Variants in SEMA6D observed in about 807,000 individuals in gnomAD.
SEMA6D encodes semaphorin 6D.
Under a neutral mutation model 106.6 loss-of-function variants are expected in SEMA6D, and 35 were observed. That is an observed-to-expected ratio of 0.33 (90% CI 0.25 to 0.44). The LOEUF (loss-of-function observed/expected upper bound fraction) is 0.44, where lower values mean the gene tolerates loss of function less well. Ranked by LOEUF, SEMA6D falls within the 20% of genes least tolerant of loss-of-function variation. The pLI is 1.00. For missense variants in SEMA6D, 1,185 were observed against 1,345.9 expected, an observed-to-expected ratio of 0.88 and a Z score of 1.87; for synonymous variants, 499 against 487.7, an observed-to-expected ratio of 1.02 and a Z score of -0.31.
At chr15:47,280,233 A>G (rs900633912) in intron 1 of SEMA6D, among the ~76,000 whole-genome samples, 9 of 152,050 alleles carry the variant, frequency 5.9e-5, no homozygotes, top group African/African-American at 1.2e-4. Context: ...CAGAGATTCA[A>G]CTTCTTCCTG....
intron 3 of SEMA6D, among the ~76,000 whole-genome samples, chr15:47,489,861 AG>A (rs930229055): frequency 3.4e-4 from 52 of 152,192 alleles, no homozygotes; most frequent in African/African-American, 1.2e-3. Flanking sequence ...CACGTTGGCC[AG>A]GCTGGTCTCA....
At chr15:47,761,849 C>A in intron 7 of SEMA6D, 98 bp downstream of exon 7, 2 of 1,030,748 alleles carry the variant, frequency 1.9e-6, no homozygotes, top group Non-Finnish European at 2.9e-6. Context: ...TGGATACCCA[C>A]CTTGATCTAA....
At chr15:47,739,467 A>G (rs1466283866) in intron 1 of SEMA6D, among the ~76,000 whole-genome samples, 1 of 152,202 alleles carries the variant, frequency 6.6e-6, no homozygotes, top group African/African-American at 2.4e-5. Context: ...GTCAGGTCTC[A>G]GGGCTTTTAA....
chr15:47,319,961 C>T (rs2036859759), intron 1 of SEMA6D, among the ~76,000 whole-genome samples: 1 of 152,078 alleles, frequency 6.6e-6, no homozygotes, highest in Admixed American at 6.5e-5. Context: ...GCACTTTCCA[C>T]CTGTGAGTCT....
intron 4 of SEMA6D, among the ~76,000 whole-genome samples, chr15:47,625,445 T>G (rs1434194152): frequency 1.3e-5 from 2 of 152,186 alleles, no homozygotes; most frequent in Non-Finnish European, 2.9e-5. Flanking sequence ...ATTGAAAATA[T>G]GCACAACAGG....
intron 1 of SEMA6D, among the ~76,000 whole-genome samples, chr15:47,214,446 G>A (rs2030364877): frequency 1.3e-5 from 2 of 152,274 alleles, no homozygotes; most frequent in African/African-American, 4.8e-5. Flanking sequence ...TGAAGGTCAG[G>A]AAGTAATATA....
intron 1 of SEMA6D, among the ~76,000 whole-genome samples, chr15:47,310,905 G>C (rs1394462413): frequency 6.6e-6 from 1 of 152,180 alleles, no homozygotes; most frequent in African/African-American, 2.4e-5. Context: ...TATGGTCATA[G>C]CTTAACACAG....
chr15:47,659,109 C>G (rs1178439333), intron 4 of SEMA6D, among the ~76,000 whole-genome samples: 1 of 151,830 alleles, frequency 6.6e-6, no homozygotes, highest in Admixed American at 6.6e-5. Flanking sequence ...ATTAGAGAAA[C>G]AAAATCTAAA....
chr15:47,377,778 T>C (rs1239213735), intron 1 of SEMA6D, among the ~76,000 whole-genome samples: 1 of 152,134 alleles, frequency 6.6e-6, no homozygotes, highest in Admixed American at 6.5e-5. Context: ...CCTAAGAATC[T>C]AAGAGGAATA....
chr15:47,212,274 C>T (rs919361103), intron 1 of SEMA6D, among the ~76,000 whole-genome samples: 10 of 152,210 alleles, frequency 6.6e-5, no homozygotes, highest in African/African-American at 2.4e-4. Context: ...TGCATCTCTT[C>T]ACTGACTGCT....
intron 3 of SEMA6D, among the ~76,000 whole-genome samples, chr15:47,519,880 G>T (rs567587374): frequency 1.1e-3 from 170 of 152,328 alleles, no homozygotes; most frequent in African/African-American, 4.0e-3. Flanking sequence ...ACATGGTGTT[G>T]TCATTATCGT....
chr15:47,607,379 C>T (rs1298020864), intron 4 of SEMA6D, among the ~76,000 whole-genome samples: 1 of 152,124 alleles, frequency 6.6e-6, no homozygotes, highest in Non-Finnish European at 1.5e-5. Flanking sequence ...GGAGGTTCAT[C>T]AAGATTAATG....
chr15:47,404,459 C>G (rs1288226439), intron 1 of SEMA6D, among the ~76,000 whole-genome samples: 3 of 152,026 alleles, frequency 2.0e-5, no homozygotes, highest in Non-Finnish European at 4.4e-5. Flanking sequence ...GTAGAAATGC[C>G]TGGATTCGAT....
At chr15:47,703,812 T>G (rs928524325) in intron 4 of SEMA6D, among the ~76,000 whole-genome samples, 2 of 152,180 alleles carry the variant, frequency 1.3e-5, no homozygotes, top group African/African-American at 4.8e-5. Flanking sequence ...TTTAACTCTG[T>G]GTGTATTTAC....
chr15:47,380,424 A>G (rs981163847), intron 1 of SEMA6D: 1 of 152,076 alleles, frequency 6.6e-6, no homozygotes, highest in Non-Finnish European at 1.5e-5. Context: ...TCTGGCTTTT[A>G]TTTTTCCCCC....
chr15:47,271,794 C>CATA (rs2034573915), intron 1 of SEMA6D, among the ~76,000 whole-genome samples: 1 of 152,052 alleles, frequency 6.6e-6, no homozygotes. Flanking sequence ...TGGTGGTTAT[C>CATA]AGTCCAGTGG....
chr15:47,543,957 T>G (rs2045439164), intron 3 of SEMA6D, among the ~76,000 whole-genome samples: 1 of 152,154 alleles, frequency 6.6e-6, no homozygotes, highest in Admixed American at 6.6e-5. Context: ...TGAAACTATG[T>G]TGGTAGACTT....
chr15:47,727,686 C>G (rs1285081831), intron 1 of SEMA6D, among the ~76,000 whole-genome samples: 2 of 132,024 alleles, frequency 1.5e-5, no homozygotes, highest in Non-Finnish European at 3.2e-5. Context: ...TGCAAAGGAT[C>G]TTTATAGTGA....
chr15:47,342,058 T>C (rs1038671783), intron 1 of SEMA6D, among the ~76,000 whole-genome samples: 9 of 152,002 alleles, frequency 5.9e-5, no homozygotes, highest in Admixed American at 5.9e-4. Flanking sequence ...TTGTTTTCAA[T>C]AAAATCCAAA....
Sources: allele counts gnomAD v4.1 joint callset (sites outside exome capture counted in the v4.1 genomes callset), GRCh38; gene constraint gnomAD v4.1.1; transcripts MANE v1.5; gene names NCBI Gene and HGNC (gene_info 2026-07-23, HGNC 2026-07-21).